Variants in ZFYVE26 observed in about 807,000 individuals in gnomAD.
ZFYVE26 encodes the protein zinc finger FYVE-type containing 26.
ZFYVE26 carries 181 observed loss-of-function variants against 276.5 expected under a neutral mutation model. That is an observed-to-expected ratio of 0.65 (90% CI 0.58 to 0.74). The LOEUF is 0.74. ZFYVE26 is among the 30% of genes least tolerant of loss of function. ZFYVE26 has a pLI of 0.00. For synonymous variants in ZFYVE26, 1,129 were observed against 1,203.1 expected (o/e 0.94, Z 1.27); for missense variants, 2,821 against 3,097.9 (o/e 0.91, Z 2.12).
At chr14:67,809,325 A>G (rs1447154294) in intron 3 of ZFYVE26, 36 bp from the exon 4 acceptor site, 1 of 1,488,582 alleles carries the variant, frequency 6.7e-7, no homozygotes, top group South Asian at 1.1e-5. Context: ...TAGAGATGAG[A>G]TATATGTTTT....
intron 10 of ZFYVE26, chr14:67,798,987 C>T (rs2040023623): frequency 4.4e-6 from 5 of 1,130,178 alleles, no homozygotes; most frequent in Non-Finnish European, 5.4e-6. Context: ...GGGTGATTTA[C>T]GGATACTCTC....
rs1013618981 is a variant in ZFYVE26 at position 67,805,455 on chromosome 14, T to C, written c.1181A>G (p.Gln394Arg). 6.2e-7 allele frequency: 1 copy of C among 1,614,188 alleles called. No homozygotes were observed. Among genetic ancestry groups the C allele is most frequent in the South Asian group, 1.1e-5 (1 of 91,090 alleles). Residue 394 changes from glutamine to arginine, a missense_variant and splice_region_variant, in exon 7 of 42, where the codon CAG becomes CGG. Gln to Arg is a conservative substitution (Grantham distance 43, BLOSUM62 1). Coordinates refer to ENST00000347230, the MANE Select transcript of ZFYVE26 (RefSeq NM_015346.4). ...CCTGGGATGCTGAGTGAGAGTTACC[T>C]GGGTCCTGTGCAGGGTCTGGAGCAG... ...KRLLQTLHRT[Q>R]GPGCDELLRD...
chr14:67,783,457 C>A lies in ZFYVE26; in HGVS notation c.3695G>T (p.Cys1232Phe). ...GGATGAGCAAAGAGCAAGGGGCTCACAGCAGCAGCTGACGATGACCTGTGG... is the reference window on the plus strand; with the variant it reads ...GGATGAGCAAAGAGCAAGGGGCTCAAAGCAGCAGCTGACGATGACCTGTGG... Reference protein sequence around the residue: ...SVPQVIVSCCCEPLALCSSRQ... With the variant: ...SVPQVIVSCCFEPLALCSSRQ... The change falls in exon 21 of 42, where the codon TGT becomes TTT. Residue 1232 changes from cysteine (C) to phenylalanine (F), a missense_variant. Physicochemically the swap from Cys to Phe is radical, Grantham distance 205. Coordinates refer to ENST00000347230, the MANE Select transcript of ZFYVE26 (RefSeq NM_015346.4). 1 of 1,614,040 alleles carries A rather than the reference C, an allele frequency of 6.2e-7. No individual in the cohort carries two copies. The highest frequency in any genetic ancestry group is 8.5e-7 in the Non-Finnish European group (1 of 1,180,024).
Position 67,783,473 on chromosome 14 carries a change from T to C in ZFYVE26, c.3679A>G (p.Ile1227Val), listed in dbSNP as rs368700920. The C allele has an allele frequency of 1.2e-6, 2 of 1,613,910 alleles. No individual in the cohort carries two copies. The highest frequency in any genetic ancestry group is 4.5e-5 in the East Asian group (2 of 44,884). Residue 1227 changes from isoleucine (I) to valine (V), a missense_variant, in exon 21 of 42, where the codon ATC (isoleucine) becomes GTC (valine). Physicochemically the swap from Ile to Val is conservative, Grantham distance 29 (BLOSUM62 3). Coordinates refer to ENST00000347230, the MANE Select transcript of ZFYVE26 (RefSeq NM_015346.4). Reference sequence around the variant, plus strand: ...AGGGGCTCACAGCAGCAGCTGACGATGACCTGTGGCACACTTAGGCTGAGA... The same window carrying C: ...AGGGGCTCACAGCAGCAGCTGACGACGACCTGTGGCACACTTAGGCTGAGA... Reference protein sequence around the residue: ...ENLSLSVPQVIVSCCCEPLAL... With the variant: ...ENLSLSVPQVVVSCCCEPLAL...
At chr14:67,745,901 G>T (rs1236032050), downstream of ZFYVE26, among the ~76,000 whole-genome samples, 6 of 114,648 alleles carry the variant, frequency 5.2e-5, no homozygotes, top group African/African-American at 2.1e-4. Context: ...CTGCACTCCA[G>T]CCTGGGTGAC....
chr14:67,754,213 C>T lies in ZFYVE26; in HGVS notation c.6987-1G>A, dbSNP rs1555393393. On this transcript the variant is annotated splice_acceptor_variant, in intron 37 of 41. Transcript: ENST00000347230. LOFTEE classifies it high-confidence loss of function. The stretch of plus-strand genomic sequence containing the variant: ...CTGCAGCTGAAGTGTGTTCATGTGC[C>T]TGTGGTGACAGAATATGCACAGTCC... 4.3e-6 allele frequency: 7 copies of T among 1,614,180 alleles called. No homozygotes were observed. Among genetic ancestry groups the T allele is most frequent in the Non-Finnish European group, 5.9e-6 (7 of 1,180,046 alleles).
Position 67,767,848 on chromosome 14 carries a change from G to C in ZFYVE26, c.5654-8C>G. ...TCTTGGAGCTGTCTAGAGCTGAGAAGAGAAATGCCATTCATGTGTCATTCA... is the reference window on the plus strand; with the variant it reads ...TCTTGGAGCTGTCTAGAGCTGAGAACAGAAATGCCATTCATGTGTCATTCA... On this transcript the variant is annotated splice_region_variant and splice_polypyrimidine_tract_variant and intron_variant, in intron 30 of 41. Coordinates refer to ENST00000347230, the MANE Select transcript of ZFYVE26 (RefSeq NM_015346.4). The C allele has an allele frequency of 6.2e-7, 1 of 1,614,158 alleles. No homozygotes were observed. Among genetic ancestry groups the C allele is most frequent in the Non-Finnish European group, 8.5e-7 (1 of 1,180,020 alleles).
chr14:67,736,623 A>T (rs1207769213), intron 13 of ZFYVE26, among the ~76,000 whole-genome samples: 2 of 152,226 alleles, frequency 1.3e-5, no homozygotes, highest in Non-Finnish European at 2.9e-5. Flanking sequence ...AGCATATGGG[A>T]AAAGAGGAAT....
At chr14:67,805,181 C>A in intron 8 of ZFYVE26, 36 bp downstream of exon 8, 1 of 1,601,880 alleles carries the variant, frequency 6.2e-7, no homozygotes. Flanking sequence ...CAGCTGTGCC[C>A]TGTGGTGGGC....
chr14:67,806,405 G>A (rs1594937372), intron 6 of ZFYVE26, 140 bp downstream of exon 6: 2 of 1,007,778 alleles, frequency 2.0e-6, no homozygotes, highest in Non-Finnish European at 1.5e-6. Flanking sequence ...CCATGGGACT[G>A]TGGGAGGGAC....
chr14:67,775,341 C>A (rs1267549403), intron 26 of ZFYVE26, among the ~76,000 whole-genome samples: 1 of 152,062 alleles, frequency 6.6e-6, no homozygotes, highest in Non-Finnish European at 1.5e-5. Flanking sequence ...GAAATGGACA[C>A]TAGGATTCTA....
At chr14:67,769,823 T>G (rs2039159750) in intron 28 of ZFYVE26, 93 bp from the exon 29 acceptor site, 1 of 1,554,630 alleles carries the variant, frequency 6.4e-7, no homozygotes, top group South Asian at 1.1e-5. Flanking sequence ...TACCAGTGGC[T>G]TATACTTTCT....
chr14:67,772,243 G>T (rs770228770), intron 27 of ZFYVE26, 33 bp from the exon 28 acceptor site: 21 of 1,604,384 alleles, frequency 1.3e-5, no homozygotes, highest in Non-Finnish European at 1.8e-5. Context: ...AGAGTAAAAG[G>T]TAATCAATAT....
chr14:67,767,368 C>T (rs116121589), intron 31 of ZFYVE26, among the ~76,000 whole-genome samples: 2,309 of 152,166 alleles, frequency 0.015, 42 homozygotes, highest in African/African-American at 0.043. Context: ...ATTTTGGACA[C>T]GGTGTCTTTG....
chr14:67,729,872 A>G lies in ZFYVE26; in HGVS notation n.2680-53T>C, dbSNP rs1186291316. The G allele has an allele frequency of 1.1e-5, 5 of 453,544 alleles. No individual in the cohort carries two copies. The East Asian group carries it at 2.8e-4, about 25-fold the overall frequency. The allele number at this position is 453,544 out of a possible 1,614,324, so 28.1% of individuals were successfully genotyped here. The stretch of plus-strand genomic sequence containing the variant: ...AGTGCTGAATCTTATCATGAACTCA[A>G]TGAGCAACTAGAGTCTGGGAGTAAA... On this transcript the variant is annotated intron_variant and non_coding_transcript_variant, in intron 13 of 14. Transcript: ENST00000394455.
chr14:67,790,655 T>C lies in ZFYVE26; in HGVS notation c.2672A>G (p.Asn891Ser). 1 of 1,614,144 alleles carries C rather than the reference T, an allele frequency of 6.2e-7. No individual in the cohort carries two copies. The highest frequency in any genetic ancestry group is 8.5e-7 in the Non-Finnish European group (1 of 1,180,002). Residue 891 changes from asparagine to serine, a missense_variant, in exon 15 of 42, where the codon AAC (asparagine) becomes AGC (serine). Asn to Ser is a conservative substitution (Grantham distance 46). Transcript: ENST00000347230. ...AATGGTGCTGCTACCCGCATCTGAG[T>C]TCTGGTTTTCAATCTTGTGCTCTAC... Reference protein sequence around the residue: ...AQVEHKIENQNSDAGSSTIRR... With the variant: ...AQVEHKIENQSSDAGSSTIRR...
chr14:67,774,310 C>T (rs1188999502), intron 27 of ZFYVE26, among the ~76,000 whole-genome samples: 1 of 152,110 alleles, frequency 6.6e-6, no homozygotes, highest in South Asian at 2.1e-4. Context: ...ACCAGTTTGG[C>T]CAACATGGTG....
Position 67,753,728 on chromosome 14 carries a change from T to C in ZFYVE26, c.7167A>G (p.Gly2389=), listed in dbSNP as rs753234825. 1 of 1,613,750 alleles carries C rather than the reference T, an allele frequency of 6.2e-7. No homozygotes were observed. The highest frequency in any genetic ancestry group is 1.1e-5 in the South Asian group (1 of 90,942). Residue 2389 remains glycine (G), a synonymous_variant, in exon 39 of 42, where the codon GGA becomes GGG. Transcript: ENST00000347230. ...ATACCTGCAGAACACGGAAAGCAAT[T>C]CCAAAACCATCTTCTACATTTTTCC... is the stretch of plus-strand genomic sequence containing the variant. The part of the protein sequence containing the change: ...LGGKNVEDGF[G]IAFRVLQDFQ...
intron 6 of ZFYVE26, 76 bp from the exon 7 acceptor site, chr14:67,805,694 G>GA (rs1437768330): frequency 6.6e-7 from 1 of 1,524,586 alleles, no homozygotes; most frequent in Non-Finnish European, 9.0e-7. Context: ...GCTCTTTAGA[G>GA]AAAGAAGTAT....
Sources: allele counts gnomAD v4.1 joint callset (sites outside exome capture counted in the v4.1 genomes callset), GRCh38; gene constraint gnomAD v4.1.1; transcripts MANE v1.5; gene names NCBI Gene and HGNC (gene_info 2026-07-23, HGNC 2026-07-21).